The following C8orf34 variants were observed in gnomAD, a reference collection of about 807,000 sequenced individuals.
C8orf34 encodes the protein uncharacterized protein C8orf34.
Under a neutral mutation model 68.3 loss-of-function variants are expected in C8orf34, and 65 were observed. The ratio of observed to expected loss-of-function variants is 0.95; its 90% confidence interval spans 0.78 to 1.17. The LOEUF (loss-of-function observed/expected upper bound fraction) is 1.17. Ranked by LOEUF, C8orf34 falls within the 50% of genes most tolerant of loss-of-function variation. The pLI, the probability that C8orf34 is intolerant of heterozygous loss-of-function variation, is 0.00. For missense variants in C8orf34, 664 were observed against 655.4 expected (o/e 1.01, Z -0.14); for synonymous variants, 244 against 241.2 (o/e 1.01, Z -0.11).
intron 8 of C8orf34, among the ~76,000 whole-genome samples, chr8:68,656,124 T>C (rs1819504086): frequency 6.6e-6 from 1 of 152,152 alleles, no homozygotes; most frequent in African/African-American, 2.4e-5. Context: ...AGAAATCAGG[T>C]ATTGCATATG....
At chr8:68,494,907 A>AAT (rs889744173) in intron 5 of C8orf34, among the ~76,000 whole-genome samples, 131 of 150,546 alleles carry the variant, frequency 8.7e-4, no homozygotes, top group Non-Finnish European at 1.5e-3. Flanking sequence ...TCTCTCAAAA[A>AAT]ATATATATAT....
Position 68,794,497 on chromosome 8 carries a change from ATATATATATTTT to A in C8orf34, c.1549+6963_1549+6974del, listed in dbSNP as rs1563673979. ...TATAAATATAAATATATATATATAT[ATATATATATTTT>A]TTTTTTTTTTTTTTAGACAGGCTCT... On this transcript the variant is annotated intron_variant, in intron 12 of 13. Transcript: ENST00000518698. Among the ~76,000 whole-genome samples the A allele has an allele frequency of 1.2e-4, 10 of 84,090 alleles. No individual in the cohort carries two copies. The East Asian group carries it at 4.6e-3, about 39-fold the overall frequency. The allele number at this position is 84,090 out of a possible 152,430, so 55.2% of individuals were successfully genotyped here.
At chr8:68,596,272 C>A (rs1028814255) in intron 7 of C8orf34, among the ~76,000 whole-genome samples, 27 of 152,054 alleles carry the variant, frequency 1.8e-4, no homozygotes, top group African/African-American at 4.8e-4. Context: ...TCAACTACTA[C>A]CCTTTCTCTC....
chr8:68,584,594 T>A (rs938851336), intron 7 of C8orf34, among the ~76,000 whole-genome samples: 43 of 152,146 alleles, frequency 2.8e-4, no homozygotes, highest in Non-Finnish European at 5.6e-4. Flanking sequence ...CAGCTGGGAA[T>A]CATTAGTCAT....
At chr8:68,485,276 A>T (rs1234373901) in intron 4 of C8orf34, among the ~76,000 whole-genome samples, 1 of 152,192 alleles carries the variant, frequency 6.6e-6, no homozygotes, top group South Asian at 2.1e-4. Flanking sequence ...GAACAGTGAT[A>T]TATTGCCACT....
At chr8:68,801,379 G>T (rs1419030013) in intron 12 of C8orf34, among the ~76,000 whole-genome samples, 1 of 152,162 alleles carries the variant, frequency 6.6e-6, no homozygotes, top group Non-Finnish European at 1.5e-5. Context: ...AGCTTGAGCC[G>T]AACATACTGT....
chr8:68,399,060 T>C (rs912338372), intron 1 of C8orf34, among the ~76,000 whole-genome samples: 2 of 152,154 alleles, frequency 1.3e-5, no homozygotes, highest in Non-Finnish European at 2.9e-5. Flanking sequence ...ATGTCACCCA[T>C]CCTATCTTTA....
chr8:68,770,092 G>A (rs911675415), intron 10 of C8orf34, among the ~76,000 whole-genome samples: 1 of 152,154 alleles, frequency 6.6e-6, no homozygotes, highest in Non-Finnish European at 1.5e-5. Flanking sequence ...AACCAGTGAT[G>A]AGTAGGTCAA....
At chr8:68,406,654 C>T (rs1809209310) in intron 1 of C8orf34, among the ~76,000 whole-genome samples, 1 of 151,954 alleles carries the variant, frequency 6.6e-6, no homozygotes, top group African/African-American at 2.4e-5. Context: ...GGCCACCACA[C>T]CCAGGTAATT....
chr8:68,391,685 C>G (rs548403469), intron 1 of C8orf34, among the ~76,000 whole-genome samples: 21 of 152,226 alleles, frequency 1.4e-4, no homozygotes, highest in South Asian at 1.0e-3. Context: ...TAGCTTAAAC[C>G]ACAAGGTTTA....
intron 4 of C8orf34, among the ~76,000 whole-genome samples, chr8:68,476,936 T>G (rs1002423990): frequency 2.0e-5 from 3 of 152,172 alleles, no homozygotes; most frequent in Admixed American, 6.5e-5. Context: ...GTGGTCTGGG[T>G]TGTAATTCAG....
At chr8:68,790,748 C>G (rs771321259) in intron 12 of C8orf34, 33 of 594,274 alleles carry the variant, frequency 5.6e-5, no homozygotes, top group Non-Finnish European at 9.0e-5. Flanking sequence ...CTAAACAAAT[C>G]AAATTCCAAA....
At chr8:68,576,218 C>T (rs2130309951) in intron 7 of C8orf34, among the ~76,000 whole-genome samples, 1 of 151,664 alleles carries the variant, frequency 6.6e-6, no homozygotes, top group Middle Eastern at 3.4e-3. Flanking sequence ...ATCTGCTTAT[C>T]TAGAAATAAT....
At chr8:68,369,475 C>G (rs887226352) in intron 1 of C8orf34, among the ~76,000 whole-genome samples, 9 of 152,194 alleles carry the variant, frequency 5.9e-5, no homozygotes, top group Non-Finnish European at 4.4e-5. Context: ...TTTTTAGTCA[C>G]TGGTCGTAAT....
chr8:68,542,321 G>T (rs1270476609), intron 7 of C8orf34, among the ~76,000 whole-genome samples: 1 of 152,174 alleles, frequency 6.6e-6, no homozygotes, highest in African/African-American at 2.4e-5. Flanking sequence ...ACAATACAGA[G>T]AATCCACATC....
At chr8:68,783,966 T>C (rs1823769863) in intron 11 of C8orf34, among the ~76,000 whole-genome samples, 1 of 152,238 alleles carries the variant, frequency 6.6e-6, no homozygotes, top group Non-Finnish European at 1.5e-5. Flanking sequence ...ATGCCTCTTA[T>C]TCAGTTTTAA....
At chr8:68,610,091 T>C (rs1286988389) in intron 7 of C8orf34, among the ~76,000 whole-genome samples, 1 of 152,204 alleles carries the variant, frequency 6.6e-6, no homozygotes, top group Non-Finnish European at 1.5e-5. Flanking sequence ...TGTGAATTTC[T>C]GATGTCTGCA....
chr8:68,499,895 T>G (rs975196784), intron 5 of C8orf34, among the ~76,000 whole-genome samples: 1 of 152,082 alleles, frequency 6.6e-6, no homozygotes. Context: ...GGTGATTGGA[T>G]TGGGGGCGGA....
chr8:68,487,933 T>G (rs938859237), intron 4 of C8orf34, 90 bp from the exon 5 acceptor site: 3 of 809,750 alleles, frequency 3.7e-6, no homozygotes, highest in Non-Finnish European at 6.1e-6. Context: ...GGAAATGCAC[T>G]ACTTTTACAA....
Sources: gnomAD v4.1 joint callset for allele counts (sites outside exome capture counted in the v4.1 genomes callset) on GRCh38, gnomAD v4.1.1 for gene constraint, MANE v1.5 for transcripts, NCBI Gene and HGNC (gene_info 2026-07-23, HGNC 2026-07-21) for gene names.